TEX53: variants seen among roughly 807,000 people sequenced by gnomAD.
TEX53 encodes the protein testis-expressed protein 53.
At chr9:114,657,112 G>A (rs555133013) in intron 1 of TEX53, among the ~76,000 whole-genome samples, 2 of 152,246 alleles carry the variant, frequency 1.3e-5, no homozygotes, top group Admixed American at 6.5e-5. Flanking sequence ...TCCTGACCTC[G>A]TGATCTGCCC....
Position 114,656,493 on chromosome 9 carries a change from C to T in TEX53, c.*36G>A, listed in dbSNP as rs2274596. On this transcript the variant is annotated 3_prime_UTR_variant, in exon 2 of 2. Coordinates refer to ENST00000423632, the MANE Select transcript of TEX53 (RefSeq NM_001354645.2). ...TCATGGAAGCCCAGCAGCTGTGCAG[C>T]CGCAGGGACCACGTGGGTGCCGCCG... 1,603 of 398,470 alleles carry T rather than the reference C, an allele frequency of 4.0e-3. 39 individuals are homozygous for T. In the South Asian group the frequency reaches 0.043, roughly 11 times the overall value. 24.7% of individuals were successfully genotyped at this position (398,470 alleles called of 1,614,324 possible).
chr9:114,656,501 A>T lies in TEX53; in HGVS notation c.*28T>A, dbSNP rs1827707825. The T allele has an allele frequency of 7.5e-6, 3 of 398,350 alleles. No homozygotes were observed. The South Asian group carries it at 3.8e-4, about 51-fold the overall frequency. The allele number at this position is 398,350 out of a possible 1,614,324, so 24.7% of individuals were successfully genotyped here. A position where few individuals can be genotyped will look rare whatever the true frequency, so the allele number is the denominator to read the frequency against. Reference sequence around the variant, plus strand: ...GCCCAGCAGCTGTGCAGCCGCAGGGACCACGTGGGTGCCGCCGGCTAGAAT... The same window carrying T: ...GCCCAGCAGCTGTGCAGCCGCAGGGTCCACGTGGGTGCCGCCGGCTAGAAT... On this transcript the variant is annotated 3_prime_UTR_variant, in exon 2 of 2. Coordinates refer to ENST00000423632, the MANE Select transcript of TEX53 (RefSeq NM_001354645.2).
chr9:114,656,741 TTAAAAA>T (rs1474126312), intron 1 of TEX53, 109 bp from the exon 2 acceptor site: 1 of 395,856 alleles, frequency 2.5e-6, no homozygotes, highest in African/African-American at 2.1e-5. Context: ...ATTAATCTCT[TTAAAAA>T]TAAAAGTTTG....
Position 114,657,539 on chromosome 9 carries a change from T to G in TEX53, c.109+127A>C, listed in dbSNP as rs538783650. On this transcript the variant is annotated intron_variant, in intron 1 of 1. Transcript: ENST00000423632. ...GTTCCAGGCTTGAGTAACTACGCCCTTTCCACACTCCCAGAAGGCTGAAAG... is the reference window on the plus strand; with the variant it reads ...GTTCCAGGCTTGAGTAACTACGCCCGTTCCACACTCCCAGAAGGCTGAAAG... 5.1e-4 allele frequency: 203 copies of G among 396,844 alleles called. 2 individuals carry two copies. Among genetic ancestry groups the G allele is most frequent in the African/African-American group, 3.9e-3 (190 of 48,728 alleles). The allele number at this position is 396,844 out of a possible 1,614,324, so 24.6% of individuals were successfully genotyped here.
intron 1 of TEX53, among the ~76,000 whole-genome samples, 159 bp downstream of exon 1, chr9:114,657,507 C>G (rs1018627173): frequency 1.3e-5 from 2 of 152,230 alleles, no homozygotes; most frequent in African/African-American, 2.4e-5. Context: ...AGTCTTTAGA[C>G]TGTGTTGTTC....
At chr9:114,657,325 G>A (rs943740431) in intron 1 of TEX53, among the ~76,000 whole-genome samples, 1 of 152,096 alleles carries the variant, frequency 6.6e-6, no homozygotes, top group Non-Finnish European at 1.5e-5. Flanking sequence ...AGGGAGGGTC[G>A]GCGACATGCC....
At chr9:114,657,328 G>A (rs558615361) in intron 1 of TEX53, among the ~76,000 whole-genome samples, 34 of 152,252 alleles carry the variant, frequency 2.2e-4, no homozygotes, top group South Asian at 6.2e-4. Flanking sequence ...GAGGGTCGGC[G>A]ACATGCCCAA....
chr9:114,657,300 T>C (rs1182629261), intron 1 of TEX53, among the ~76,000 whole-genome samples: 2 of 152,224 alleles, frequency 1.3e-5, no homozygotes, highest in African/African-American at 2.4e-5. Flanking sequence ...GAGAGAAGGA[T>C]GCTGAGGCTT....
At chr9:114,657,250 C>A (rs1354008269) in intron 1 of TEX53, among the ~76,000 whole-genome samples, 1 of 152,136 alleles carries the variant, frequency 6.6e-6, no homozygotes, top group Non-Finnish European at 1.5e-5. Context: ...CTCCTAACAG[C>A]CTGCACAGTG....
intron 1 of TEX53, 65 bp from the exon 2 acceptor site, chr9:114,656,697 C>CT: frequency 5.0e-6 from 2 of 397,750 alleles, no homozygotes; most frequent in Non-Finnish European, 8.9e-6. Context: ...TATAACCTAT[C>CT]TTGGCCATAC....
At chr9:114,657,310 TAGAG>T (rs879692158) in intron 1 of TEX53, among the ~76,000 whole-genome samples, 4 of 152,140 alleles carry the variant, frequency 2.6e-5, no homozygotes, top group Non-Finnish European at 4.4e-5. Flanking sequence ...TGCTGAGGCT[TAGAG>T]AGGGAGGGTC....
rs1038013164 is a variant in TEX53 at position 114,656,578 on chromosome 9, G to A, written c.164C>T (p.Pro55Leu). The A allele has an allele frequency of 2.5e-6, 1 of 398,630 alleles. No individual in the cohort carries two copies. The allele number at this position is 398,630 out of a possible 1,614,324, so 24.7% of individuals were successfully genotyped here. Residue 55 changes from proline (P) to leucine (L), a missense_variant, in exon 2 of 2, where the codon CCC (proline) becomes CTC (leucine). Transcript: ENST00000423632. The part of the protein sequence containing the change: ...SAVPKRHPRL[P>L]YDNRMMLKAC... ...CTTGAGCATCATGCGGTTGTCATAG[G>A]GGAGGCGTGGATGTCTTTTTGGTAC...
rs1827729553 is a variant in TEX53 at position 114,657,755 on chromosome 9, CAGA to C, written c.17_19del (p.Phe6del). The C allele has an allele frequency of 7.5e-6, 3 of 398,626 alleles. No homozygotes were observed. The highest frequency in any genetic ancestry group is 4.1e-5 in the African/African-American group (2 of 48,640). 24.7% of individuals were successfully genotyped at this position (398,626 alleles called of 1,614,324 possible). Reference sequence around the variant, plus strand: ...CCCCTCGCTGGTCTTGCGGCAACAACAGAAGATCTTGGACCCCATGTTTTGGTG... The same window carrying C: ...CCCCTCGCTGGTCTTGCGGCAACAACAGATCTTGGACCCCATGTTTTGGTG... On this transcript the variant is annotated inframe_deletion, in exon 1 of 2. Transcript: ENST00000423632.
intron 1 of TEX53, among the ~76,000 whole-genome samples, 188 bp downstream of exon 1, chr9:114,657,478 A>G (rs749359726): frequency 1.8e-4 from 27 of 152,190 alleles, no homozygotes; most frequent in Non-Finnish European, 3.7e-4. Flanking sequence ...CCTAATAACT[A>G]ATCTCTAATA....
chr9:114,656,933 G>A (rs1564312159), intron 1 of TEX53, among the ~76,000 whole-genome samples: 1 of 152,096 alleles, frequency 6.6e-6, no homozygotes, highest in African/African-American at 2.4e-5. Flanking sequence ...CTGGAGTGCA[G>A]TGGCGCGATC....
Position 114,656,609 on chromosome 9 carries a change from T to C in TEX53, c.133A>G (p.Ser45Gly). 2.5e-6 allele frequency: 1 copy of C among 398,618 alleles called. No individual in the cohort carries two copies. The highest frequency in any genetic ancestry group is 4.4e-6 in the Non-Finnish European group (1 of 226,074). The allele number at this position is 398,618 out of a possible 1,614,324, so 24.7% of individuals were successfully genotyped here. The change falls in exon 2 of 2, where the codon AGT becomes GGT. Residue 45 changes from serine (S) to glycine (G), a missense_variant. Transcript: ENST00000423632. ...SFNLNTNSLH[S>G]AVPKRHPRLP... is the part of the protein sequence containing the mutation. The stretch of plus-strand genomic sequence containing the variant: ...CGTGGATGTCTTTTTGGTACAGCAC[T>C]GTGGAGAGAATTTGTGTTCAGATCT...
intron 1 of TEX53, 91 bp downstream of exon 1, chr9:114,657,575 A>C (rs541184647): frequency 2.5e-6 from 1 of 397,806 alleles, no homozygotes; most frequent in African/African-American, 2.1e-5. Flanking sequence ...AAGTCTGACT[A>C]TGTCCCAGCA....
chr9:114,657,398 G>A (rs895007985), intron 1 of TEX53, among the ~76,000 whole-genome samples: 2 of 152,216 alleles, frequency 1.3e-5, no homozygotes, highest in Admixed American at 1.3e-4. Context: ...CACAAACTCA[G>A]TGAGAAATTA....
chr9:114,657,001 T>C (rs1330020112), intron 1 of TEX53, among the ~76,000 whole-genome samples: 1 of 152,034 alleles, frequency 6.6e-6, no homozygotes, highest in Non-Finnish European at 1.5e-5. Flanking sequence ...CTCAGCCTCC[T>C]GAGTAGCTGG....
Sources: gnomAD v4.1 joint callset for allele counts (sites outside exome capture counted in the v4.1 genomes callset) on GRCh38, gnomAD v4.1.1 for gene constraint, MANE v1.5 for transcripts, NCBI Gene and HGNC (gene_info 2026-07-23, HGNC 2026-07-21) for gene names.